PHACTR2: variants seen among roughly 807,000 people sequenced by gnomAD.
PHACTR2 encodes the protein chromosome 6 open reading frame 56.
Under a neutral mutation model 76.0 loss-of-function variants are expected in PHACTR2, and 30 were observed. The observed-to-expected ratio is 0.39, with a 90% confidence interval of 0.30 to 0.54. PHACTR2 has a LOEUF of 0.54. Among genes scored for constraint, PHACTR2 ranks in the 20% least tolerant of loss-of-function variants. PHACTR2 has a pLI of 0.61. For missense variants in PHACTR2, 696 were observed against 781.1 expected (o/e 0.89, Z 1.30); for synonymous variants, 292 against 292.5 (o/e 1.00, Z 0.02).
Position 143,807,195 on chromosome 6 carries a change from G to A in PHACTR2, c.1922+62G>A. On this transcript the variant is annotated intron_variant, in intron 12 of 12. Transcript: ENST00000440869. The surrounding 1 kb of genome is among the most constrained non-coding windows in gnomAD (Gnocchi z 5.5). ...TTAAGATGTGATCCCATGTTGAGTT[G>A]GTTAAAAAAAGAAATTGCTTACAAT... 2.1e-6 allele frequency: 2 copies of A among 949,666 alleles called. No individual in the cohort carries two copies. Among genetic ancestry groups the A allele is most frequent in the Non-Finnish European group, 3.3e-6 (2 of 609,460 alleles). 58.8% of individuals were successfully genotyped at this position (949,666 alleles called of 1,614,324 possible).
In PHACTR2 at chr6:143,824,124, A is replaced by G. The variant is rs1330712808; in HGVS notation, c.*435A>G. The G allele has an allele frequency of 6.4e-6, 1 of 155,784 alleles. No individual in the cohort carries two copies. The highest frequency in any genetic ancestry group is 2.4e-5 in the African/African-American group (1 of 41,542). 9.7% of individuals were successfully genotyped at this position (155,784 alleles called of 1,614,324 possible). A position where few individuals can be genotyped will look rare whatever the true frequency, so the allele number is the denominator to read the frequency against. On this transcript the variant is annotated 3_prime_UTR_variant, in exon 13 of 13. Transcript: ENST00000440869. This position sits in a 1 kb window ranked among gnomAD's most constrained non-coding sequence, Gnocchi z 6.3. ...GAGAAATATTTCATTATGTTAATGAAGAAAAGAGAAAATTGAAGCATAAAT... is the reference window on the plus strand; with the variant it reads ...GAGAAATATTTCATTATGTTAATGAGGAAAAGAGAAAATTGAAGCATAAAT...
chr6:143,611,751 T>A lies in PHACTR2; in HGVS notation c.13+3429T>A, dbSNP rs1304583198. 6.6e-6 allele frequency among the ~76,000 whole-genome samples: 1 copy of A among 152,082 alleles called. No homozygotes were observed. The highest frequency in any genetic ancestry group is 1.9e-4 in the East Asian group (1 of 5,198). On this transcript the variant is annotated intron_variant, in intron 1 of 11. Transcript: ENST00000305766. This position sits in a 1 kb window ranked among gnomAD's most constrained non-coding sequence, Gnocchi z 4.4. ...TCCAGCAGCGTGGCTCTGAAAGTGGTGTGGATGACAGTGTGGGAAAGTGAG... is the reference window on the plus strand; with the variant it reads ...TCCAGCAGCGTGGCTCTGAAAGTGGAGTGGATGACAGTGTGGGAAAGTGAG...
chr6:143,649,651 A>G (rs1429195043), intron 1 of PHACTR2, among the ~76,000 whole-genome samples: 1 of 152,232 alleles, frequency 6.6e-6, no homozygotes, highest in Admixed American at 6.5e-5. Context: ...ACATCGCTTC[A>G]TGTTAGAAAC....
At chr6:143,674,745 G>A (rs1054432132), upstream of PHACTR2, among the ~76,000 whole-genome samples, 1 of 152,160 alleles carries the variant, frequency 6.6e-6, no homozygotes, top group Non-Finnish European at 1.5e-5. The surrounding 1 kb of genome is among the most constrained non-coding windows in gnomAD (Gnocchi z 4.9). Flanking sequence ...GTGTTCTGAG[G>A]AAGGTTCCTT....
At chr6:143,727,621 T>A (rs756505539) in intron 2 of PHACTR2, among the ~76,000 whole-genome samples, 13 of 152,234 alleles carry the variant, frequency 8.5e-5, no homozygotes, top group Admixed American at 7.2e-4. Context: ...CTCACCAACA[T>A]CTGTCATTTT....
In PHACTR2 at chr6:143,787,260, A is replaced by G. The variant is rs1384625942; in HGVS notation, c.1708-1513A>G. On this transcript the variant is annotated intron_variant, in intron 10 of 12. Transcript: ENST00000440869. The surrounding 1 kb of genome is among the most constrained non-coding windows in gnomAD (Gnocchi z 4.6). The stretch of plus-strand genomic sequence containing the variant: ...AGACTGGATGGAGAATTTCTAACCT[A>G]TATTGCCATTGGTCACTTTCCTTCT... Among the ~76,000 whole-genome samples, 2 of 152,118 alleles carry G rather than the reference A, an allele frequency of 1.3e-5. No homozygotes were observed. Among genetic ancestry groups the G allele is most frequent in the Non-Finnish European group, 2.9e-5 (2 of 68,028 alleles).
In PHACTR2 at chr6:143,709,886, A is replaced by G. The variant is rs1339358427; in HGVS notation, c.47-2130A>G. 6.6e-6 allele frequency among the ~76,000 whole-genome samples: 1 copy of G among 152,080 alleles called. No homozygotes were observed. The highest frequency in any genetic ancestry group is 1.5e-5 in the Non-Finnish European group (1 of 68,030). Reference sequence around the variant, plus strand: ...CCACTGACACTGTGGAAGATGCTTCATTATCAGCCACCAGGCATAAAGGTG... The same window carrying G: ...CCACTGACACTGTGGAAGATGCTTCGTTATCAGCCACCAGGCATAAAGGTG... On this transcript the variant is annotated intron_variant, in intron 1 of 12. Transcript: ENST00000440869. The surrounding 1 kb of genome is among the most constrained non-coding windows in gnomAD (Gnocchi z 4.4).
At chr6:143,590,083 T>C (rs570938580) in intron 1 of PHACTR2, among the ~76,000 whole-genome samples, 82 of 152,322 alleles carry the variant, frequency 5.4e-4, no homozygotes, top group Non-Finnish European at 7.5e-4. Context: ...AATTCGTTAG[T>C]TTACTGGTTC....
chr6:143,779,298 A>G (rs1301507218), intron 9 of PHACTR2, among the ~76,000 whole-genome samples: 1 of 151,378 alleles, frequency 6.6e-6, no homozygotes, highest in East Asian at 1.9e-4. Flanking sequence ...ACAGTAGAAA[A>G]GTATGTGATA....
At position 143,589,634 on chromosome 6, in the gene PHACTR2, T is replaced by C. The variant is rs1173753518; in HGVS notation, c.217+52427T>C. 6.6e-6 allele frequency among the ~76,000 whole-genome samples: 1 copy of C among 152,190 alleles called. No individual in the cohort carries two copies. Among genetic ancestry groups the C allele is most frequent in the Non-Finnish European group, 1.5e-5 (1 of 68,048 alleles). On this transcript the variant is annotated intron_variant, in intron 1 of 11. Transcript: ENST00000367584. The surrounding 1 kb of genome is among the most constrained non-coding windows in gnomAD (Gnocchi z 4.4). ...GTGTCTCTGTGTCCAAATTTCCTCT[T>C]CTTATACAAACACCAGCCAGATTGA...
rs1776511419 is a variant in PHACTR2 at position 143,825,371 on chromosome 6, G to T, written c.*1682G>T. Reference sequence around the variant, plus strand: ...TTATTTAAAAATAAAAAATGTTAATGCCAGTTGGCCTACTATAAAAAGCCA... The same window carrying T: ...TTATTTAAAAATAAAAAATGTTAATTCCAGTTGGCCTACTATAAAAAGCCA... On this transcript the variant is annotated 3_prime_UTR_variant, in exon 13 of 13. Transcript: ENST00000440869. This position sits in a 1 kb window ranked among gnomAD's most constrained non-coding sequence, Gnocchi z 4.1. 1 of 152,154 alleles carries T rather than the reference G, an allele frequency of 6.6e-6. No homozygotes were observed. 9.4% of individuals were successfully genotyped at this position (152,154 alleles called of 1,614,324 possible).
chr6:143,737,995 T>G (rs1034467624), intron 2 of PHACTR2, among the ~76,000 whole-genome samples: 2 of 152,250 alleles, frequency 1.3e-5, no homozygotes, highest in Non-Finnish European at 2.9e-5. Flanking sequence ...AAACATGGAT[T>G]TGGGGAAATT....
chr6:143,571,839 A>G lies in PHACTR2; in HGVS notation c.217+34632A>G, dbSNP rs565949032. ...CTTTTCTCCTATGAGCCCTGCTTTC[A>G]GTATTATTTTAATGTTAGATTTATA... On this transcript the variant is annotated intron_variant, in intron 1 of 11. Coordinates refer to the PHACTR2 transcript ENST00000367584. The surrounding 1 kb of genome is among the most constrained non-coding windows in gnomAD (Gnocchi z 4.6). 1.3e-5 allele frequency among the ~76,000 whole-genome samples: 2 copies of G among 152,160 alleles called. No homozygotes were observed. Among genetic ancestry groups the G allele is most frequent in the Non-Finnish European group, 2.9e-5 (2 of 68,034 alleles).
At chr6:143,660,708 G>A (rs555677534) in intron 1 of PHACTR2, among the ~76,000 whole-genome samples, 5 of 152,242 alleles carry the variant, frequency 3.3e-5, no homozygotes, top group Admixed American at 2.0e-4. Context: ...ATGAGGAAAC[G>A]CTGCACAATA....
At chr6:143,572,398 T>C (rs1215035446) in intron 1 of PHACTR2, among the ~76,000 whole-genome samples, 1 of 152,244 alleles carries the variant, frequency 6.6e-6, no homozygotes, top group Non-Finnish European at 1.5e-5. Context: ...AACTAGAGTC[T>C]AATGCCTCCA....
At chr6:143,620,322 C>T (rs767627441) in intron 1 of PHACTR2, among the ~76,000 whole-genome samples, 7 of 152,062 alleles carry the variant, frequency 4.6e-5, no homozygotes, top group Non-Finnish European at 7.4e-5. Flanking sequence ...TTTCATGGAA[C>T]CTCGAAACTA....
chr6:143,603,876 A>G (rs1314562101), upstream of PHACTR2, among the ~76,000 whole-genome samples: 1 of 152,118 alleles, frequency 6.6e-6, no homozygotes, highest in Non-Finnish European at 1.5e-5. Flanking sequence ...AGGTGGGTGG[A>G]TCACTTGAGG....
At position 143,616,770 on chromosome 6, in the gene PHACTR2, C is replaced by T. The variant is rs565748934; in HGVS notation, c.13+8448C>T. On this transcript the variant is annotated intron_variant, in intron 1 of 11. Transcript: ENST00000305766. This position sits in a 1 kb window ranked among gnomAD's most constrained non-coding sequence, Gnocchi z 4.9. ...AGGAATGAGGTTGGGGTGGAGGCTA[C>T]GCCAGACTCGGTAGTCAGAGAAAGC... Among the ~76,000 whole-genome samples, 3 of 152,142 alleles carry T rather than the reference C, an allele frequency of 2.0e-5. No individual in the cohort carries two copies. Among genetic ancestry groups the T allele is most frequent in the African/African-American group, 2.4e-5 (1 of 41,424 alleles).
Position 143,783,196 on chromosome 6 carries a change from G to T in PHACTR2, c.1646-23G>T. On this transcript the variant is annotated intron_variant, in intron 9 of 12. Coordinates refer to ENST00000440869, the MANE Select transcript of PHACTR2 (RefSeq NM_001100164.2). This position sits in a 1 kb window ranked among gnomAD's most constrained non-coding sequence, Gnocchi z 5.2. ...AATCATCTATAGTAACTGTCATCAC[G>T]ACTTTCCTCCTTTAATAAACAGAAA... is the stretch of plus-strand genomic sequence containing the variant. The T allele has an allele frequency of 6.5e-7, 1 of 1,533,278 alleles. No individual in the cohort carries two copies. Among genetic ancestry groups the T allele is most frequent in the South Asian group, 1.1e-5 (1 of 88,412 alleles). 95.0% of individuals were successfully genotyped at this position (1,533,278 alleles called of 1,614,324 possible).
Sources: allele counts gnomAD v4.1 joint callset (sites outside exome capture counted in the v4.1 genomes callset), GRCh38; gene constraint gnomAD v4.1.1; non-coding constraint Gnocchi (gnomAD v3.1); transcripts MANE v1.5; gene names NCBI Gene and HGNC (gene_info 2026-07-23, HGNC 2026-07-21).